PRIM2: variants seen among roughly 807,000 people sequenced by gnomAD.
The protein encoded by PRIM2 is DNA primase subunit 2, also known as DNA primase large subunit.
Under a neutral mutation model 67.3 loss-of-function variants are expected in PRIM2, and 39 were observed. That is an observed-to-expected ratio of 0.58 (90% confidence interval 0.45 to 0.76). PRIM2 has a LOEUF of 0.76. Among genes scored for constraint, PRIM2 ranks in the 30% least tolerant of loss-of-function variants. The probability of loss-of-function intolerance (pLI) is 0.00; values close to 1 mark genes in which losing one functional copy is unlikely to be tolerated. For synonymous variants in PRIM2, 143 were observed against 198.7 expected (o/e 0.72, Z 2.36); for missense variants, 398 against 598.7 (o/e 0.66, Z 3.50).
chr6:57,345,007 A>G (rs1768622081), intron 5 of PRIM2, among the ~76,000 whole-genome samples: 2 of 151,040 alleles, frequency 1.3e-5, no homozygotes, highest in African/African-American at 4.9e-5. Context: ...TAGCTTTTGA[A>G]TATAGGACTC....
chr6:57,366,534 G>A (rs902334941), intron 5 of PRIM2, among the ~76,000 whole-genome samples: 5 of 152,166 alleles, frequency 3.3e-5, no homozygotes, highest in African/African-American at 4.8e-5. Context: ...GAAGTGGAGG[G>A]TGAGTGGGTC....
intron 7 of PRIM2, among the ~76,000 whole-genome samples, chr6:57,432,416 A>G (rs1771868724): frequency 6.6e-6 from 1 of 152,182 alleles, no homozygotes; most frequent in African/African-American, 2.4e-5. Flanking sequence ...GTTCAGTTCT[A>G]CTTGTTCTGT....
rs1768009702 is a variant in PRIM2, at chr6:57,330,348, G to GGTTTTTTTTTTTTTTTTT, written c.459+4303_459+4304insGTTTTTTTTTTTTTTTTT. Among the ~76,000 whole-genome samples the GGTTTTTTTTTTTTTTTTT allele has an allele frequency of 5.7e-5, 5 of 87,824 alleles. 1 individual carries two copies. The highest frequency in any genetic ancestry group is 8.5e-4 in the South Asian group (2 of 2,356). 57.6% of individuals were successfully genotyped at this position (87,824 alleles called of 152,430 possible). On this transcript the variant is annotated intron_variant, in intron 5 of 13. Transcript: ENST00000615550. ...TGTATCCTGCAACCTTGCTGAACTT[G>GGTTTTTTTTTTTTTTTTT]TTTTTTTTTTTTGTTTTTGTTTTTT...
chr6:57,370,693 C>CTTTTTTT (rs66953171), intron 5 of PRIM2, among the ~76,000 whole-genome samples: 3 of 121,998 alleles, frequency 2.5e-5, no homozygotes, highest in Non-Finnish European at 5.0e-5. Flanking sequence ...CTATCTATAG[C>CTTTTTTT]TTTTTTTTTT....
chr6:57,573,005 C>T (rs1443383666), intron 10 of PRIM2, among the ~76,000 whole-genome samples: 2 of 152,224 alleles, frequency 1.3e-5, no homozygotes, highest in Admixed American at 6.5e-5. Context: ...TGCAGTGGCA[C>T]AGTCATAGAG....
chr6:57,584,273 C>G (rs1221076963), intron 10 of PRIM2, among the ~76,000 whole-genome samples: 1 of 152,172 alleles, frequency 6.6e-6, no homozygotes, highest in East Asian at 1.9e-4. Flanking sequence ...CACTAGCCAG[C>G]CTACCTCCAG....
At chr6:57,238,877 T>A in the PRIM2 span, among the ~76,000 whole-genome samples, 14 of 152,266 alleles carry the variant, frequency 9.2e-5, no homozygotes, top group African/African-American at 3.1e-4. Context: ...TGAATAACTC[T>A]TCTTTGACAT....
chr6:57,645,237 T>C (rs1452566153), intron 13 of PRIM2, among the ~76,000 whole-genome samples: 2 of 151,598 alleles, frequency 1.3e-5, no homozygotes, highest in Non-Finnish European at 2.9e-5. Context: ...GCCTACAATG[T>C]GGTAGGCCTT....
rs1769972831 is a variant in PRIM2 at position 57,381,977 on chromosome 6, G to A, written c.556-54G>A. 4 of 1,538,742 alleles carry A rather than the reference G, an allele frequency of 2.6e-6. No homozygotes were observed. In the Admixed American group the frequency reaches 5.9e-5, roughly 23 times the overall value. ...TATACTTTATACATATGAAGACTTAGGATTTCTTAATGACAGGTGCTGACT... is the reference window on the plus strand; with the variant it reads ...TATACTTTATACATATGAAGACTTAAGATTTCTTAATGACAGGTGCTGACT... On this transcript the variant is annotated intron_variant, in intron 6 of 13. Coordinates refer to ENST00000615550, the MANE Select transcript of PRIM2 (RefSeq NM_000947.5).
the PRIM2 span, among the ~76,000 whole-genome samples, chr6:57,295,304 C>A: frequency 6.6e-6 from 1 of 151,836 alleles, no homozygotes; most frequent in Non-Finnish European, 1.5e-5. Flanking sequence ...CTTCTACATA[C>A]TGACAAAAAA....
chr6:57,545,499 C>T (rs1414909291), intron 10 of PRIM2, among the ~76,000 whole-genome samples: 1 of 152,132 alleles, frequency 6.6e-6, no homozygotes, highest in Non-Finnish European at 1.5e-5. Context: ...GGCGTGATCT[C>T]AGCTCACCAC....
chr6:57,604,550 A>C (rs1367142754), intron 11 of PRIM2, among the ~76,000 whole-genome samples: 1 of 152,108 alleles, frequency 6.6e-6, no homozygotes, highest in Non-Finnish European at 1.5e-5. Flanking sequence ...TCCCATTCTC[A>C]AGGGGAATGG....
At position 57,550,376 on chromosome 6, in the gene PRIM2, C is replaced by CT. The variant is rs1775376298; in HGVS notation, c.1020+12753dup. ...ATAAGAATTAATATTTAAACATTGA[C>CT]TTGAACAGGTTGGGCTTGCTTTCAT... On this transcript the variant is annotated intron_variant, in intron 10 of 13. Coordinates refer to ENST00000615550, the MANE Select transcript of PRIM2 (RefSeq NM_000947.5). 2.0e-5 allele frequency among the ~76,000 whole-genome samples: 3 copies of CT among 152,136 alleles called. No homozygotes were observed. In the South Asian group the frequency reaches 6.2e-4, roughly 32 times the overall value.
the PRIM2 span, among the ~76,000 whole-genome samples, chr6:57,298,695 A>G: frequency 0.021 from 3,121 of 152,204 alleles, 113 homozygotes; most frequent in African/African-American, 0.07. Flanking sequence ...AATAAAAATT[A>G]TTATCTTACT....
chr6:57,453,204 T>G (rs1772619965), intron 7 of PRIM2, among the ~76,000 whole-genome samples: 1 of 152,258 alleles, frequency 6.6e-6, no homozygotes, highest in South Asian at 2.1e-4. Flanking sequence ...TAGTATAGTT[T>G]GAAGTCAGGC....
intron 5 of PRIM2, among the ~76,000 whole-genome samples, chr6:57,339,971 A>G (rs1025017322): frequency 6.6e-6 from 1 of 152,016 alleles, no homozygotes; most frequent in Non-Finnish European, 1.5e-5. Flanking sequence ...ACAAAGGGCT[A>G]ATATCCAGAA....
At chr6:57,241,966 C>T in the PRIM2 span, among the ~76,000 whole-genome samples, 2 of 152,206 alleles carry the variant, frequency 1.3e-5, no homozygotes, top group East Asian at 1.9e-4. Context: ...GCCACTGTGC[C>T]CGGCCAGAAC....
chr6:57,232,809 C>T, the PRIM2 span, among the ~76,000 whole-genome samples: 1 of 152,132 alleles, frequency 6.6e-6, no homozygotes, highest in Non-Finnish European at 1.5e-5. Context: ...ACAGTTAGGA[C>T]ACCAAATTGT....
chr6:57,380,824 T>C (rs1467539892), intron 6 of PRIM2, among the ~76,000 whole-genome samples: 2 of 146,828 alleles, frequency 1.4e-5, no homozygotes, highest in East Asian at 2.0e-4. Flanking sequence ...TTGCTTCTAC[T>C]TGGGCATTTT....
Sources: allele counts gnomAD v4.1 joint callset (sites outside exome capture counted in the v4.1 genomes callset), GRCh38; gene constraint gnomAD v4.1.1; transcripts MANE v1.5; gene names NCBI Gene and HGNC (gene_info 2026-07-23, HGNC 2026-07-21).